The following SRPK1 variants were observed in gnomAD, a reference collection of about 807,000 sequenced individuals.
SRPK1 encodes SFRS protein kinase 1.
SRPK1 carries 52 observed loss-of-function variants against 89.5 expected under a neutral mutation model. The ratio of observed to expected loss-of-function variants is 0.58; its 90% CI spans 0.46 to 0.73. The LOEUF (loss-of-function observed/expected upper bound fraction) is 0.73, where lower values mean the gene tolerates loss of function less well. Among genes scored for constraint, SRPK1 ranks in the 30% least tolerant of loss-of-function variants. The probability of loss-of-function intolerance (pLI) is 0.00; values close to 1 mark genes in which losing one functional copy is unlikely to be tolerated. For synonymous variants in SRPK1, 255 were observed against 270.2 expected, an observed-to-expected ratio of 0.94 and a Z score of 0.55; for missense variants, 603 against 780.6, an observed-to-expected ratio of 0.77 and a Z score of 2.71.
chr6:35,891,187 T>C, intron 2 of SRPK1, 174 bp from the exon 3 acceptor site: 2 of 683,624 alleles, frequency 2.9e-6, no homozygotes, highest in Non-Finnish European at 4.3e-6. Flanking sequence ...AAAAATACTT[T>C]TTAAAAACTT....
intron 2 of SRPK1, among the ~76,000 whole-genome samples, chr6:35,904,707 G>A (rs1325423541): frequency 6.6e-6 from 1 of 152,038 alleles, no homozygotes; most frequent in African/African-American, 2.4e-5. Flanking sequence ...GCTAAGGCAG[G>A]AGAACTGCTT....
intron 8 of SRPK1, 126 bp downstream of exon 8, chr6:35,872,437 A>G: frequency 1.1e-6 from 1 of 882,974 alleles, no homozygotes; most frequent in Non-Finnish European, 1.6e-6. Flanking sequence ...TTGGAAGCTG[A>G]TAATGTTTCT....
At chr6:35,835,515 C>T (rs1334190313) in intron 15 of SRPK1, 27 bp from the exon 16 acceptor site, 7 of 1,585,006 alleles carry the variant, frequency 4.4e-6, no homozygotes, top group Non-Finnish European at 6.0e-6. Flanking sequence ...ACAGAAAAAG[C>T]CACTGATCAA....
At chr6:35,869,226 A>T in intron 11 of SRPK1, 116 bp from the exon 12 acceptor site, 1 of 963,742 alleles carries the variant, frequency 1.0e-6, no homozygotes, top group Non-Finnish European at 1.5e-6. Context: ...GTGACAACTT[A>T]CATTTTCTGA....
intron 14 of SRPK1, chr6:35,838,852 T>A: frequency 7.4e-7 from 1 of 1,349,300 alleles, no homozygotes; most frequent in Admixed American, 2.0e-5. Flanking sequence ...AAAGAGGTTT[T>A]TCTATGAATA....
intron 7 of SRPK1, among the ~76,000 whole-genome samples, chr6:35,873,662 G>C (rs1770087528): frequency 1.3e-5 from 2 of 150,840 alleles, no homozygotes; most frequent in Admixed American, 1.3e-4. Flanking sequence ...GCTAATTTTT[G>C]TATTTTTAGT....
intron 6 of SRPK1, among the ~76,000 whole-genome samples, chr6:35,882,703 A>G (rs975938491): frequency 2.0e-5 from 3 of 152,162 alleles, no homozygotes; most frequent in Admixed American, 6.5e-5. Flanking sequence ...ACAAAACAAG[A>G]TTGGCTATAA....
In SRPK1 at chr6:35,838,445, A is replaced by G; in HGVS notation, c.1691-16T>C. On this transcript the variant is annotated splice_polypyrimidine_tract_variant and intron_variant, in intron 14 of 15. Transcript: ENST00000373825. ...GCAATGTGATCTGTATATTTCAAAC[A>G]TTTCAAGAGGGGGGAAAAAAAAGAT... The G allele has an allele frequency of 1.3e-6, 2 of 1,561,946 alleles. No individual in the cohort carries two copies. The highest frequency in any genetic ancestry group is 1.7e-6 in the Non-Finnish European group (2 of 1,160,704).
intron 6 of SRPK1, among the ~76,000 whole-genome samples, chr6:35,876,485 T>C (rs1561981859): frequency 6.6e-6 from 1 of 151,474 alleles, no homozygotes; most frequent in Admixed American, 6.6e-5. Flanking sequence ...ACAAGAAAAA[T>C]CCAAAAATTA....
intron 2 of SRPK1, among the ~76,000 whole-genome samples, chr6:35,891,394 T>G (rs1770513817): frequency 6.6e-6 from 1 of 152,140 alleles, no homozygotes; most frequent in Non-Finnish European, 1.5e-5. Context: ...TATTACAAAC[T>G]TTTTTCATTT....
intron 2 of SRPK1, among the ~76,000 whole-genome samples, chr6:35,917,760 C>G (rs142877214): frequency 1.3e-5 from 2 of 152,306 alleles, no homozygotes; most frequent in African/African-American, 4.8e-5. Flanking sequence ...TTTACTGTAA[C>G]AGTTCCAAAA....
chr6:35,837,985 C>T lies in SRPK1; in HGVS notation c.1783+352G>A, dbSNP rs527400457. Reference sequence around the variant, plus strand: ...CCAGATTCAAGTGATTCTCCTGTCTCAGCCTCCTGAGTAGCTGGGATTACA... The same window carrying T: ...CCAGATTCAAGTGATTCTCCTGTCTTAGCCTCCTGAGTAGCTGGGATTACA... On this transcript the variant is annotated intron_variant, in intron 15 of 15. Transcript: ENST00000373825. Among the ~76,000 whole-genome samples, 239 of 151,870 alleles carry T rather than the reference C, an allele frequency of 1.6e-3. 1 individual carries two copies. Among genetic ancestry groups the T allele is most frequent in the African/African-American group, 5.6e-3 (232 of 41,384 alleles).
chr6:35,839,825 G>A (rs1365790815), intron 14 of SRPK1, among the ~76,000 whole-genome samples: 23 of 152,112 alleles, frequency 1.5e-4, no homozygotes, highest in Admixed American at 1.4e-3. Flanking sequence ...GATTACAGGT[G>A]CATACCACCA....
At chr6:35,912,906 C>G (rs1561998612) in intron 2 of SRPK1, among the ~76,000 whole-genome samples, 1 of 152,222 alleles carries the variant, frequency 6.6e-6, no homozygotes, top group Non-Finnish European at 1.5e-5. Flanking sequence ...ACCTCAGTCT[C>G]CTGAGTAGCT....
At chr6:35,913,814 A>T (rs1208310866) in intron 2 of SRPK1, among the ~76,000 whole-genome samples, 2 of 146,942 alleles carry the variant, frequency 1.4e-5, no homozygotes, top group Non-Finnish European at 1.5e-5. Flanking sequence ...AGAAAAAAAA[A>T]TAAAAGAGAG....
chr6:35,890,133 A>C (rs1245721898), intron 3 of SRPK1, among the ~76,000 whole-genome samples: 2 of 151,998 alleles, frequency 1.3e-5, no homozygotes, highest in South Asian at 2.1e-4. Flanking sequence ...AAAAAATCCC[A>C]AAAATTAGCC....
At chr6:35,861,189 A>G (rs1769775332) in intron 12 of SRPK1, among the ~76,000 whole-genome samples, 1 of 152,224 alleles carries the variant, frequency 6.6e-6, no homozygotes, top group South Asian at 2.1e-4. Flanking sequence ...AGTGATAGGA[A>G]GCACCAGAAG....
At chr6:35,891,578 C>T (rs1347713761) in intron 2 of SRPK1, among the ~76,000 whole-genome samples, 3 of 151,804 alleles carry the variant, frequency 2.0e-5, no homozygotes, top group Admixed American at 6.6e-5. Context: ...AAAATTTGCC[C>T]AGCGTGGTGG....
chr6:35,872,481 G>A, intron 8 of SRPK1, 82 bp downstream of exon 8: 2 of 1,294,866 alleles, frequency 1.5e-6, no homozygotes, highest in Non-Finnish European at 2.0e-6. Flanking sequence ...ATTGAGTGGT[G>A]TTTAATTCCC....
Sources: allele counts gnomAD v4.1 joint callset (sites outside exome capture counted in the v4.1 genomes callset), GRCh38; gene constraint gnomAD v4.1.1; transcripts MANE v1.5; gene names NCBI Gene and HGNC (gene_info 2026-07-23, HGNC 2026-07-21).